The following TUSC3 variants were observed in gnomAD, a reference collection of about 807,000 sequenced individuals.
TUSC3 encodes tumor suppressor candidate 3.
In TUSC3, 45 loss-of-function variants were observed where a neutral mutation model predicts 44.8. The ratio of observed to expected loss-of-function variants is 1.00; its 90% CI spans 0.79 to 1.29. TUSC3 has a LOEUF of 1.29. TUSC3 is among the 50% of genes most tolerant of loss of function. The pLI is 0.00. For synonymous variants in TUSC3, 212 were observed against 152.9 expected (o/e 1.39, Z -2.85); for missense variants, 519 against 437.9 (o/e 1.19, Z -1.65).
At chr8:15,544,876 G>C (rs1230791570) in intron 1 of TUSC3, among the ~76,000 whole-genome samples, 1 of 151,782 alleles carries the variant, frequency 6.6e-6, no homozygotes, top group Non-Finnish European at 1.5e-5. Flanking sequence ...AAGCGTGATT[G>C]GAAATAGCCA....
intron 2 of TUSC3, among the ~76,000 whole-genome samples, chr8:15,506,880 A>G (rs140889885): frequency 2.0e-5 from 3 of 152,342 alleles, no homozygotes; most frequent in African/African-American, 4.8e-5. Context: ...CAGAGAAGCC[A>G]GGAAGAATGT....
In TUSC3 at chr8:15,764,480, T is replaced by A; in HGVS notation, c.*324T>A. ...AGGATTGAAATAAATGACAATGTAA[T>A]TATGAATTCATGTTTTAGAGCTGTT... is the stretch of plus-strand genomic sequence containing the variant. On this transcript the variant is annotated 3_prime_UTR_variant, in exon 11 of 11. Coordinates refer to ENST00000503731, the MANE Select transcript of TUSC3 (RefSeq NM_006765.4). The A allele has an allele frequency of 2.5e-6, 1 of 401,064 alleles. No individual in the cohort carries two copies. Among genetic ancestry groups the A allele is most frequent in the Non-Finnish European group, 4.7e-6 (1 of 213,094 alleles). 24.8% of individuals were successfully genotyped at this position (401,064 alleles called of 1,614,324 possible).
intron 2 of TUSC3, among the ~76,000 whole-genome samples, chr8:15,509,949 T>A (rs1214667412): frequency 1.3e-5 from 2 of 152,190 alleles, no homozygotes; most frequent in African/African-American, 4.8e-5. Context: ...GCAGGAGTAT[T>A]GCTTGGGGCC....
At chr8:15,739,129 C>T (rs551157982) in intron 7 of TUSC3, among the ~76,000 whole-genome samples, 31 of 151,938 alleles carry the variant, frequency 2.0e-4, no homozygotes, top group African/African-American at 6.3e-4. Flanking sequence ...CTGCGCCTGG[C>T]CTCTTGCTTT....
intron 1 of TUSC3, among the ~76,000 whole-genome samples, chr8:15,567,657 A>G (rs575662924): frequency 2.8e-4 from 43 of 152,304 alleles, no homozygotes; most frequent in Non-Finnish European, 5.6e-4. Context: ...TGAGCAAAAA[A>G]TAATGTGACA....
the TUSC3 span, among the ~76,000 whole-genome samples, chr8:15,814,972 G>C: frequency 6.6e-6 from 1 of 152,146 alleles, no homozygotes; most frequent in South Asian, 2.1e-4. Context: ...TTGTTGTTTA[G>C]TTGATAGGAA....
chr8:15,419,039 A>G (rs1026432204), intron 1 of TUSC3, among the ~76,000 whole-genome samples: 3 of 152,114 alleles, frequency 2.0e-5, no homozygotes, highest in Non-Finnish European at 4.4e-5. Context: ...TAAAGGTTAA[A>G]AGTATCTTGC....
At chr8:15,465,699 T>G (rs987624050) in intron 1 of TUSC3, among the ~76,000 whole-genome samples, 1 of 152,214 alleles carries the variant, frequency 6.6e-6, no homozygotes, top group Non-Finnish European at 1.5e-5. Flanking sequence ...CATCAAAAGA[T>G]GCTTAAAATA....
intron 1 of TUSC3, among the ~76,000 whole-genome samples, chr8:15,582,635 A>G (rs969487681): frequency 1.3e-5 from 2 of 152,212 alleles, no homozygotes; most frequent in African/African-American, 2.4e-5. Context: ...AACAGAGTCA[A>G]GAGGCTAGGG....
intron 1 of TUSC3, among the ~76,000 whole-genome samples, chr8:15,477,894 C>T (rs572236825): frequency 1.8e-4 from 27 of 152,114 alleles, no homozygotes; most frequent in Middle Eastern, 3.4e-3. Flanking sequence ...CAACTAGGCT[C>T]CATAACACTA....
intron 2 of TUSC3, among the ~76,000 whole-genome samples, chr8:15,512,553 A>T (rs2129128312): frequency 6.6e-6 from 1 of 152,250 alleles, no homozygotes; most frequent in East Asian, 1.9e-4. Flanking sequence ...TGGGCAGATC[A>T]CTTGAGGTCA....
chr8:15,482,587 A>G (rs1415369680), intron 1 of TUSC3, among the ~76,000 whole-genome samples: 3 of 152,232 alleles, frequency 2.0e-5, no homozygotes, highest in African/African-American at 4.8e-5. Context: ...GAAGATGTAT[A>G]AGAAGATTAA....
At chr8:15,737,212 T>G (rs1810973564) in intron 7 of TUSC3, among the ~76,000 whole-genome samples, 1 of 152,138 alleles carries the variant, frequency 6.6e-6, no homozygotes, top group Admixed American at 6.5e-5. Flanking sequence ...GTTGAAAATT[T>G]TAGATTTAGA....
At chr8:15,814,233 G>T in the TUSC3 span, among the ~76,000 whole-genome samples, 1 of 152,174 alleles carries the variant, frequency 6.6e-6, no homozygotes, top group Non-Finnish European at 1.5e-5. Context: ...GTGATTGAGT[G>T]TATGTGTGTG....
rs373077704 is a variant in TUSC3, at chr8:15,585,065, G to C, written c.139-38015G>C. ...CTAAAATAAGATTCTTGAAATCATGGTTATGAAAGTATTACATCGGAAGAG... is the reference window on the plus strand; with the variant it reads ...CTAAAATAAGATTCTTGAAATCATGCTTATGAAAGTATTACATCGGAAGAG... On this transcript the variant is annotated intron_variant, in intron 1 of 10. Transcript: ENST00000503731. Among the ~76,000 whole-genome samples the C allele has an allele frequency of 5.4e-4, 82 of 152,252 alleles. No homozygotes were observed. The South Asian group carries it at 0.017, about 31-fold the overall frequency.
chr8:15,485,861 C>T (rs1365900417), intron 2 of TUSC3, among the ~76,000 whole-genome samples: 1 of 152,120 alleles, frequency 6.6e-6, no homozygotes, highest in East Asian at 1.9e-4. Context: ...GGTGCGATGT[C>T]ACCTCACTGC....
At chr8:15,586,858 G>A (rs745410968) in intron 1 of TUSC3, among the ~76,000 whole-genome samples, 10 of 152,120 alleles carry the variant, frequency 6.6e-5, no homozygotes, top group Admixed American at 2.0e-4. Flanking sequence ...CACCTTTGGC[G>A]TTATTGGGAA....
At chr8:15,625,800 A>G (rs1037021920) in intron 2 of TUSC3, among the ~76,000 whole-genome samples, 1 of 152,218 alleles carries the variant, frequency 6.6e-6, no homozygotes, top group African/African-American at 2.4e-5. Context: ...TAATGAGTGT[A>G]TGTTGGGGCA....
At chr8:15,738,176 C>A (rs1054539257) in intron 7 of TUSC3, among the ~76,000 whole-genome samples, 17 of 152,130 alleles carry the variant, frequency 1.1e-4, no homozygotes, top group Admixed American at 3.3e-4. Flanking sequence ...ATCATACTTA[C>A]TTACTGACCC....
Sources: gnomAD v4.1 joint callset for allele counts (sites outside exome capture counted in the v4.1 genomes callset) on GRCh38, gnomAD v4.1.1 for gene constraint, MANE v1.5 for transcripts, NCBI Gene and HGNC (gene_info 2026-07-23, HGNC 2026-07-21) for gene names.